The following TRPM1 variants were observed in gnomAD, a reference collection of about 807,000 sequenced individuals.
TRPM1 encodes TRPM1-203 APA Isoform, Intron 10.
In TRPM1, 113 loss-of-function variants were observed where a neutral mutation model predicts 149.4. That is an observed-to-expected ratio of 0.76 (90% CI 0.65 to 0.88). TRPM1 has a LOEUF of 0.88. Among genes scored for constraint, TRPM1 ranks in the 40% least tolerant of loss-of-function variants. The pLI is 0.00. For missense variants in TRPM1, 1,976 were observed against 2,038.7 expected, an observed-to-expected ratio of 0.97 and a Z score of 0.59; for synonymous variants, 741 against 759.5, an observed-to-expected ratio of 0.98 and a Z score of 0.40.
intron 1 of TRPM1, among the ~76,000 whole-genome samples, chr15:31,149,526 CTTTTTTT>C (rs770015508): frequency 1.6e-5 from 2 of 122,828 alleles, no homozygotes; most frequent in Non-Finnish European, 3.3e-5. Context: ...CTCTCTCTCT[CTTTTTTT>C]TTTTTTTTTT....
At chr15:31,047,297 G>A in intron 14 of TRPM1, 46 bp from the exon 15 acceptor site, 2 of 1,612,816 alleles carry the variant, frequency 1.2e-6, no homozygotes, top group Non-Finnish European at 1.7e-6. Context: ...TGCGTTCGCA[G>A]TGTGGACTTC....
At chr15:31,012,988 C>CTT (rs569663527) in intron 27 of TRPM1, among the ~76,000 whole-genome samples, 4 of 110,404 alleles carry the variant, frequency 3.6e-5, no homozygotes, top group African/African-American at 1.4e-4. Context: ...TTTTTTTTTT[C>CTT]TTTTTTTTTT....
intron 12 of TRPM1, among the ~76,000 whole-genome samples, chr15:31,050,196 C>T (rs74010757): frequency 5.9e-5 from 9 of 152,208 alleles, no homozygotes; most frequent in African/African-American, 1.9e-4. Flanking sequence ...ATCATTCCCC[C>T]CAAAGCAGGA....
intron 1 of TRPM1, among the ~76,000 whole-genome samples, chr15:31,099,140 A>G (rs1294343354): frequency 6.6e-6 from 1 of 152,134 alleles, no homozygotes. Context: ...CTCCCAATGG[A>G]TGCTGTAATT....
At chr15:31,069,352 A>T in intron 4 of TRPM1, 1 of 906,928 alleles carries the variant, frequency 1.1e-6, no homozygotes, top group Non-Finnish European at 1.3e-6. Flanking sequence ...CTGGGCTAAT[A>T]TGTAGGGTGC....
At chr15:31,063,897 T>G (rs1027363916) in intron 7 of TRPM1, among the ~76,000 whole-genome samples, 5 of 152,184 alleles carry the variant, frequency 3.3e-5, no homozygotes, top group Non-Finnish European at 5.9e-5. Context: ...AGGTGACCAC[T>G]GAGAAATATT....
At chr15:31,066,944 T>A in intron 6 of TRPM1, 119 bp downstream of exon 6, 1 of 1,331,688 alleles carries the variant, frequency 7.5e-7, no homozygotes, top group Non-Finnish European at 1.1e-6. Context: ...ATTGGAGGAA[T>A]GGGAAAGGCT....
intron 1 of TRPM1, among the ~76,000 whole-genome samples, chr15:31,091,535 C>A (rs534044097): frequency 6.6e-6 from 1 of 152,126 alleles, no homozygotes; most frequent in Admixed American, 6.5e-5. Context: ...GGGAAGGGCA[C>A]GGAGGGGCAC....
At chr15:31,123,319 GAA>G (rs1433210026) in intron 1 of TRPM1, among the ~76,000 whole-genome samples, 1 of 151,992 alleles carries the variant, frequency 6.6e-6, no homozygotes, top group African/African-American at 2.4e-5. Flanking sequence ...GCTTAGGGAA[GAA>G]AAAAATTGAT....
Position 31,030,983 on chromosome 15 carries a change from G to A in TRPM1, c.3127C>T (p.Leu1043Phe), listed in dbSNP as rs199609931. Residue 1043 changes from leucine to phenylalanine, a missense_variant and splice_region_variant, in exon 23 of 28, where the codon CTC becomes TTC. Leu to Phe is a conservative substitution (Grantham distance 22). Coordinates refer to ENST00000256552, the MANE Select transcript of TRPM1 (RefSeq NM_001252024.2). ...ATCTTACTATGAATTCTACTCTTAC[G>A]GTCTATCTGGTCTGCAAACACCTCT... ...YGEVFADQID[L>F]YAMEINPPCG... 3.8e-5 allele frequency: 62 copies of A among 1,614,098 alleles called. No homozygotes were observed. In the African/African-American group the frequency reaches 4.5e-4, roughly 12 times the overall value.
chr15:31,045,804 A>G (rs2033745990), intron 16 of TRPM1, among the ~76,000 whole-genome samples: 1 of 152,256 alleles, frequency 6.6e-6, no homozygotes. Flanking sequence ...ATGGTCATAG[A>G]TATGATGCAA....
At chr15:31,084,174 T>G (rs1452267965) in intron 1 of TRPM1, among the ~76,000 whole-genome samples, 2 of 152,184 alleles carry the variant, frequency 1.3e-5, no homozygotes, top group African/African-American at 2.4e-5. Flanking sequence ...GACAGTGATA[T>G]TTTTCTTTGT....
chr15:31,139,893 A>C (rs936448842), intron 1 of TRPM1, among the ~76,000 whole-genome samples: 30 of 152,364 alleles, frequency 2.0e-4, no homozygotes, highest in African/African-American at 6.3e-4. Context: ...GCATTCTCAT[A>C]ATTTTAAAAT....
At chr15:31,135,954 A>G (rs1235456827) in intron 1 of TRPM1, among the ~76,000 whole-genome samples, 2 of 152,198 alleles carry the variant, frequency 1.3e-5, no homozygotes, top group African/African-American at 4.8e-5. Flanking sequence ...TACAAAATGG[A>G]CAAAGACACC....
intron 22 of TRPM1, 103 bp from the exon 23 acceptor site, chr15:31,031,260 A>T: frequency 7.8e-7 from 1 of 1,280,950 alleles, no homozygotes; most frequent in Non-Finnish European, 1.1e-6. Context: ...ACGAGTGCTT[A>T]ATTAGGACGA....
intron 6 of TRPM1, 51 bp from the exon 7 acceptor site, chr15:31,066,298 C>A (rs1288476076): frequency 6.2e-7 from 1 of 1,605,646 alleles, no homozygotes; most frequent in East Asian, 2.2e-5. Context: ...GATGTTAAGA[C>A]CAACAAGGGA....
At chr15:31,154,115 C>A (rs1042158912) in intron 1 of TRPM1, among the ~76,000 whole-genome samples, 1 of 152,208 alleles carries the variant, frequency 6.6e-6, no homozygotes, top group Non-Finnish European at 1.5e-5. Flanking sequence ...TGTCTGTCTA[C>A]GGAATTTAAC....
At chr15:31,072,020 G>T (rs11070783) in intron 3 of TRPM1, among the ~76,000 whole-genome samples, 156 of 36,244 alleles carry the variant, frequency 4.3e-3, no homozygotes, top group Non-Finnish European at 6.5e-3. Context: ...TATATATATA[G>T]AGAGAGAGAG....
chr15:31,099,938 G>T (rs11070810), intron 1 of TRPM1, among the ~76,000 whole-genome samples: 61,544 of 151,936 alleles, frequency 0.41, 12,949 homozygotes, highest in East Asian at 0.82. Context: ...GCAGGGCTCC[G>T]TTCTTAATTC....
Sources: gnomAD v4.1 joint callset for allele counts (sites outside exome capture counted in the v4.1 genomes callset) on GRCh38, gnomAD v4.1.1 for gene constraint, MANE v1.5 for transcripts, NCBI Gene and HGNC (gene_info 2026-07-23, HGNC 2026-07-21) for gene names.